The following SRBD1 variants were observed in gnomAD, a reference collection of about 807,000 sequenced individuals.
The protein encoded by SRBD1 is S1 RNA binding domain 1.
SRBD1 carries 88 observed loss-of-function variants against 115.3 expected under a neutral mutation model. The observed-to-expected ratio is 0.76, with a 90% CI of 0.64 to 0.91. The LOEUF is 0.91. SRBD1 is among the 40% of genes least tolerant of loss of function. The pLI is 0.00. For synonymous variants in SRBD1, 509 were observed against 407.7 expected, an observed-to-expected ratio of 1.25 and a Z score of -2.99; for missense variants, 1,385 against 1,177.4, an observed-to-expected ratio of 1.18 and a Z score of -2.58.
intron 14 of SRBD1, among the ~76,000 whole-genome samples, chr2:45,499,938 A>G (rs1259571668): frequency 6.6e-6 from 1 of 152,132 alleles, no homozygotes; most frequent in Non-Finnish European, 1.5e-5. Flanking sequence ...TGATGCCTTC[A>G]GCTTTGTTCG....
In SRBD1 at chr2:45,488,295, G is replaced by C. The variant is rs1197302676; in HGVS notation, c.1911C>G (p.Val637=). 6.2e-7 allele frequency: 1 copy of C among 1,613,878 alleles called. No individual in the cohort carries two copies. The highest frequency in any genetic ancestry group is 8.5e-7 in the Non-Finnish European group (1 of 1,179,950). The change falls in exon 15 of 21, where the codon GTC becomes GTG. Residue 637 remains valine (V), a synonymous_variant. Transcript: ENST00000263736. ...GCATCTCTTTGTTAGCTTCAGGGCT[G>C]ACACTGTAGATTGATGCTCCTGCTT... ...VSEAGASIYS[V]SPEANKEMPG...
intron 1 of SRBD1, among the ~76,000 whole-genome samples, chr2:45,610,197 G>A (rs1674401122): frequency 6.6e-6 from 1 of 152,144 alleles, no homozygotes; most frequent in Non-Finnish European, 1.5e-5. Context: ...ACTAAGGGAA[G>A]AGCCACTAAA....
Position 45,539,205 on chromosome 2 carries a change from G to A in SRBD1, c.1874+7527C>T, listed in dbSNP as rs2104005560. 1.3e-5 allele frequency among the ~76,000 whole-genome samples: 2 copies of A among 151,426 alleles called. 1 individual carries two copies. Among genetic ancestry groups the A allele is most frequent in the Admixed American group, 1.3e-4 (2 of 15,234 alleles). On this transcript the variant is annotated intron_variant, in intron 14 of 20. Coordinates refer to ENST00000263736, the MANE Select transcript of SRBD1 (RefSeq NM_018079.5). ...ACTAAAAGACCTATCTTCTTAAAGA[G>A]ATCTATGAGTTGGCAAGAAAGAAAT...
chr2:45,562,575 C>T, intron 10 of SRBD1, 78 bp downstream of exon 10: 1 of 1,109,716 alleles, frequency 9.0e-7, no homozygotes, highest in South Asian at 1.8e-5. Context: ...GACATCTTTA[C>T]ATATCAGTAC....
chr2:45,550,971 G>A (rs949569367), intron 12 of SRBD1, among the ~76,000 whole-genome samples, 154 bp downstream of exon 12: 1 of 152,036 alleles, frequency 6.6e-6, no homozygotes, highest in Non-Finnish European at 1.5e-5. Flanking sequence ...GAAAAATGAA[G>A]TTTGATTATC....
At position 45,418,514 on chromosome 2, in the gene SRBD1, C is replaced by T. The variant is rs775916793; in HGVS notation, c.2184G>A (p.Arg728=). The part of the protein sequence containing the change: ...LRHIAGLNAN[R]AKNIIEWREK... The stretch of plus-strand genomic sequence containing the variant: ...CTCGCCATTCAATAATATTTTTGGC[C>T]CTGTTGGCATTGAGTCCTGCAATAT... The change falls in exon 18 of 21, where the codon AGG becomes AGA. Residue 728 remains arginine, a synonymous_variant. Transcript: ENST00000263736. The T allele has an allele frequency of 6.8e-6, 11 of 1,612,690 alleles. No individual in the cohort carries two copies. Among genetic ancestry groups the T allele is most frequent in the Non-Finnish European group, 7.6e-6 (9 of 1,179,644 alleles).
At chr2:45,413,428 T>A in intron 18 of SRBD1, 135 bp from the exon 19 acceptor site, 1 of 985,318 alleles carries the variant, frequency 1.0e-6, no homozygotes, top group South Asian at 1.8e-5. Flanking sequence ...TTTTACTTCA[T>A]AGAAACTACC....
At chr2:45,555,399 C>CA (rs761860366) in intron 10 of SRBD1, among the ~76,000 whole-genome samples, 148 of 150,278 alleles carry the variant, frequency 9.8e-4, no homozygotes, top group Non-Finnish European at 1.9e-3. Context: ...ACAAAACAAA[C>CA]AAAAAAAACC....
intron 16 of SRBD1, among the ~76,000 whole-genome samples, chr2:45,438,587 T>C (rs1441666756): frequency 2.6e-5 from 4 of 152,142 alleles, no homozygotes; most frequent in African/African-American, 4.8e-5. Context: ...AATAAAATTA[T>C]TGAATGGGCT....
chr2:45,397,298 T>C (rs978937804), intron 19 of SRBD1, among the ~76,000 whole-genome samples: 4 of 152,246 alleles, frequency 2.6e-5, no homozygotes, highest in Admixed American at 1.3e-4. Context: ...TTACTGTTTC[T>C]ATATTTTCTC....
Position 45,465,000 on chromosome 2 carries a change from T to TACACACAC in SRBD1, c.2049+11985_2049+11992dup, listed in dbSNP as rs58288876. 1.1e-3 allele frequency among the ~76,000 whole-genome samples: 135 copies of TACACACAC among 120,294 alleles called. 2 individuals carry two copies. Among genetic ancestry groups the TACACACAC allele is most frequent in the East Asian group, 3.7e-3 (14 of 3,826 alleles). The allele number at this position is 120,294 out of a possible 152,430, so 78.9% of individuals were successfully genotyped here. On this transcript the variant is annotated intron_variant, in intron 16 of 20. Coordinates refer to ENST00000263736, the MANE Select transcript of SRBD1 (RefSeq NM_018079.5). ...AAAGAAACTGTCATGGTTGAGATTG[T>TACACACAC]ACACACACACACACACACACACACA...
intron 14 of SRBD1, among the ~76,000 whole-genome samples, chr2:45,517,567 G>A (rs1026406979): frequency 6.6e-6 from 1 of 152,154 alleles, no homozygotes; most frequent in African/African-American, 2.4e-5. Flanking sequence ...GAAATTTCCC[G>A]TTAATCCTAA....
At chr2:45,470,571 C>T (rs1425018225) in intron 16 of SRBD1, among the ~76,000 whole-genome samples, 4 of 152,112 alleles carry the variant, frequency 2.6e-5, no homozygotes, top group Admixed American at 6.6e-5. Flanking sequence ...CATGAAAGTA[C>T]CGAAAACACA....
intron 14 of SRBD1, among the ~76,000 whole-genome samples, chr2:45,538,990 G>A (rs1459088702): frequency 2.0e-5 from 3 of 151,900 alleles, no homozygotes; most frequent in Non-Finnish European, 4.4e-5. Context: ...ATATCCTGAG[G>A]AAAGAACTAA....
At chr2:45,403,440 T>C (rs1387922948) in intron 19 of SRBD1, among the ~76,000 whole-genome samples, 1 of 152,220 alleles carries the variant, frequency 6.6e-6, no homozygotes, top group Non-Finnish European at 1.5e-5. Context: ...TGTAGTCATC[T>C]TTCATTATTA....
At chr2:45,458,248 G>A (rs1669211414) in intron 16 of SRBD1, among the ~76,000 whole-genome samples, 1 of 152,092 alleles carries the variant, frequency 6.6e-6, no homozygotes, top group Non-Finnish European at 1.5e-5. Context: ...CATTCTGAGA[G>A]AAGCTGTGAC....
chr2:45,419,979 T>G, intron 16 of SRBD1, 85 bp from the exon 17 acceptor site: 1 of 1,178,914 alleles, frequency 8.5e-7, no homozygotes, highest in Non-Finnish European at 1.2e-6. Context: ...TACTGGTGGT[T>G]AGCTAACACA....
chr2:45,550,167 T>C (rs934402891), intron 12 of SRBD1, among the ~76,000 whole-genome samples: 2 of 151,852 alleles, frequency 1.3e-5, no homozygotes, highest in African/African-American at 4.8e-5. Context: ...AGTAACAAAT[T>C]AGACATAGCA....
At chr2:45,566,066 G>T (rs1672819318) in intron 9 of SRBD1, among the ~76,000 whole-genome samples, 1 of 152,224 alleles carries the variant, frequency 6.6e-6, no homozygotes, top group South Asian at 2.1e-4. Context: ...GACAATAAAT[G>T]TTGGGAGGGA....
Sources: gnomAD v4.1 joint callset for allele counts (sites outside exome capture counted in the v4.1 genomes callset) on GRCh38, gnomAD v4.1.1 for gene constraint, MANE v1.5 for transcripts, NCBI Gene and HGNC (gene_info 2026-07-23, HGNC 2026-07-21) for gene names.